ROBO2: variants seen among roughly 807,000 people sequenced by gnomAD.
The protein encoded by ROBO2 is roundabout guidance receptor 2, also known as roundabout homolog 2.
Under a neutral mutation model 160.8 loss-of-function variants are expected in ROBO2, and 53 were observed. That is an observed-to-expected ratio of 0.33 (90% confidence interval 0.26 to 0.41). ROBO2 has a LOEUF of 0.41. ROBO2 is among the 10% of genes least tolerant of loss of function. The pLI, the probability that ROBO2 is intolerant of heterozygous loss-of-function variation, is 1.00. For synonymous variants in ROBO2, 664 were observed against 611.7 expected, an observed-to-expected ratio of 1.09 and a Z score of -1.26; for missense variants, 1,577 against 1,722.4, an observed-to-expected ratio of 0.92 and a Z score of 1.49.
intron 2 of ROBO2, among the ~76,000 whole-genome samples, chr3:76,705,864 G>A (rs375122865): frequency 1.3e-5 from 2 of 152,024 alleles, no homozygotes; most frequent in South Asian, 4.1e-4. Context: ...ATCTCAAAAT[G>A]ACTTCCTGAC....
chr3:77,388,979 T>C lies in ROBO2; in HGVS notation c.389-88435T>C, dbSNP rs557997364. On this transcript the variant is annotated intron_variant, in intron 2 of 25. Coordinates refer to ENST00000461745, the Ensembl canonical transcript of ROBO2. ...TTGTTGTTGAGACAGAGTTTCACTC[T>C]TGTTGCCCAGGCTGGAGTGCAATAG... Among the ~76,000 whole-genome samples the C allele has an allele frequency of 3.8e-4, 58 of 152,322 alleles. 1 individual carries two copies. Among genetic ancestry groups the C allele is most frequent in the East Asian group, 2.5e-3 (13 of 5,186 alleles).
intron 2 of ROBO2, among the ~76,000 whole-genome samples, chr3:77,103,172 A>G (rs560617480): frequency 5.9e-5 from 9 of 152,308 alleles, no homozygotes; most frequent in Non-Finnish European, 1.0e-4. Flanking sequence ...TAGAGATGGC[A>G]GCTGTAGCCC....
rs368117271 is a variant in ROBO2 at position 77,577,639 on chromosome 3, G to A, written c.2328+25G>A. ...GGTAGGACCCGGGTGAAGAAGGACAGCTCTCATGTAAAGGTTCCCAGAGAA... is the reference window on the plus strand; with the variant it reads ...GGTAGGACCCGGGTGAAGAAGGACAACTCTCATGTAAAGGTTCCCAGAGAA... On this transcript the variant is annotated intron_variant, in intron 15 of 25. Transcript: ENST00000461745. 5 of 1,612,470 alleles carry A rather than the reference G, an allele frequency of 3.1e-6. No homozygotes were observed. In the African/African-American group the frequency reaches 5.3e-5, roughly 17 times the overall value.
chr3:76,489,168 C>G (rs1359468764), intron 2 of ROBO2, among the ~76,000 whole-genome samples: 4 of 134,558 alleles, frequency 3.0e-5, no homozygotes, highest in Non-Finnish European at 4.8e-5. Flanking sequence ...TTTTTTTTGG[C>G]CTCTTTTAGG....
chr3:77,171,157 C>T (rs888643688), intron 2 of ROBO2, among the ~76,000 whole-genome samples: 5 of 152,020 alleles, frequency 3.3e-5, no homozygotes, highest in South Asian at 2.1e-4. Flanking sequence ...ACAGACAGCC[C>T]GGTGACAATT....
chr3:76,773,646 G>T (rs917533187), intron 2 of ROBO2, among the ~76,000 whole-genome samples: 3 of 150,488 alleles, frequency 2.0e-5, no homozygotes, highest in African/African-American at 7.3e-5. Flanking sequence ...CAAAGAGAGA[G>T]ACTAATATAT....
chr3:76,748,326 A>T (rs2093926113), intron 2 of ROBO2, among the ~76,000 whole-genome samples: 1 of 151,878 alleles, frequency 6.6e-6, no homozygotes, highest in Non-Finnish European at 1.5e-5. Context: ...ACTAGAGAAA[A>T]GTAATGATTA....
At chr3:76,389,906 G>A (rs1319140310) in intron 2 of ROBO2, among the ~76,000 whole-genome samples, 1 of 152,076 alleles carries the variant, frequency 6.6e-6, no homozygotes, top group Non-Finnish European at 1.5e-5. Flanking sequence ...TCTTACCTTG[G>A]GACATGAGAG....
chr3:76,039,211 G>C (rs1026631541), intron 2 of ROBO2, among the ~76,000 whole-genome samples: 1 of 151,936 alleles, frequency 6.6e-6, no homozygotes, highest in African/African-American at 2.4e-5. Context: ...GTTTGTTTCA[G>C]GGAAGAAAGA....
intron 2 of ROBO2, among the ~76,000 whole-genome samples, chr3:76,601,455 C>G (rs1384667013): frequency 6.6e-6 from 1 of 152,188 alleles, no homozygotes; most frequent in East Asian, 1.9e-4. Context: ...TTTTTGAAAT[C>G]TAGGCAGAGG....
In ROBO2 at chr3:75,941,489, A is replaced by G. The variant is rs541047786; in HGVS notation, c.109+3887A>G. Among the ~76,000 whole-genome samples the G allele has an allele frequency of 1.2e-4, 18 of 152,324 alleles. No homozygotes were observed. In the East Asian group the frequency reaches 2.3e-3, roughly 20 times the overall value. Reference sequence around the variant, plus strand: ...AAATTTTAAACATTATCATGAATACACAGAAAATTTTAATCAATTTGGTTT... The same window carrying G: ...AAATTTTAAACATTATCATGAATACGCAGAAAATTTTAATCAATTTGGTTT... On this transcript the variant is annotated intron_variant, in intron 2 of 26. Coordinates refer to the ROBO2 transcript ENST00000487694.
chr3:76,210,385 G>A lies in ROBO2; in HGVS notation c.109+272783G>A, dbSNP rs372249432. Among the ~76,000 whole-genome samples, 10 of 152,078 alleles carry A rather than the reference G, an allele frequency of 6.6e-5. No individual in the cohort carries two copies. In the East Asian group the frequency reaches 1.7e-3, roughly 26 times the overall value. On this transcript the variant is annotated intron_variant, in intron 2 of 26. Coordinates refer to the ROBO2 transcript ENST00000487694. ...TCTGAAAAAGAATATTATACACACA[G>A]CATTTTAAAATTATTGAGCCATAAT...
At chr3:77,436,415 T>C (rs1329445358) in intron 2 of ROBO2, among the ~76,000 whole-genome samples, 1 of 151,848 alleles carries the variant, frequency 6.6e-6, no homozygotes, top group Non-Finnish European at 1.5e-5. Context: ...AGTATAGCTA[T>C]GGAAAAATAG....
chr3:77,531,083 G>A (rs774913920), intron 6 of ROBO2, among the ~76,000 whole-genome samples: 34 of 151,956 alleles, frequency 2.2e-4, no homozygotes, highest in South Asian at 6.2e-4. Context: ...TTACGAAGCC[G>A]TCCTGTTCCG....
chr3:76,636,947 A>C (rs1329048469), intron 2 of ROBO2, among the ~76,000 whole-genome samples: 1 of 85,224 alleles, frequency 1.2e-5, no homozygotes, highest in Non-Finnish European at 2.4e-5. Flanking sequence ...GAGTGATGGC[A>C]GGCCAACAAT....
At chr3:77,472,979 T>C (rs1560933494) in intron 2 of ROBO2, among the ~76,000 whole-genome samples, 1 of 151,954 alleles carries the variant, frequency 6.6e-6, no homozygotes, top group Non-Finnish European at 1.5e-5. Context: ...ATCAAGGACA[T>C]GGACACACAA....
At chr3:76,807,852 T>C (rs1411567629) in intron 2 of ROBO2, among the ~76,000 whole-genome samples, 1 of 151,872 alleles carries the variant, frequency 6.6e-6, no homozygotes, top group Non-Finnish European at 1.5e-5. Flanking sequence ...TATGATGAGG[T>C]TCTCATCACT....
intron 2 of ROBO2, among the ~76,000 whole-genome samples, chr3:77,241,144 G>T: frequency 6.6e-6 from 1 of 152,176 alleles, no homozygotes; most frequent in Non-Finnish European, 1.5e-5. Flanking sequence ...TTTCATATTT[G>T]ATCATTTGTG....
chr3:76,878,099 T>C (rs143077779), intron 2 of ROBO2, among the ~76,000 whole-genome samples: 3 of 152,284 alleles, frequency 2.0e-5, no homozygotes, highest in African/African-American at 7.2e-5. Flanking sequence ...GAATTTGGTG[T>C]CGGAGTATGA....
Sources: allele counts gnomAD v4.1 joint callset (sites outside exome capture counted in the v4.1 genomes callset), GRCh38; gene constraint gnomAD v4.1.1; transcripts MANE v1.5; gene names NCBI Gene and HGNC (gene_info 2026-07-23, HGNC 2026-07-21).